Variants in CNNM2 observed in about 807,000 individuals in gnomAD.
CNNM2 encodes metal transporter CNNM2.
In CNNM2, 12 loss-of-function variants were observed where a neutral mutation model predicts 66.9. That is an observed-to-expected ratio of 0.18 (90% CI 0.11 to 0.29). The LOEUF (loss-of-function observed/expected upper bound fraction) is 0.29, where lower values mean the gene tolerates loss of function less well. Among genes scored for constraint, CNNM2 ranks in the 10% least tolerant of loss-of-function variants. The probability of loss-of-function intolerance (pLI) is 1.00; values close to 1 mark genes in which losing one functional copy is unlikely to be tolerated. For missense variants in CNNM2, 705 were observed against 1,167.7 expected (o/e 0.60, Z 5.77); for synonymous variants, 557 against 501.8 (o/e 1.11, Z -1.47).
At chr10:103,058,580 A>G (rs1323293964) in intron 4 of CNNM2, among the ~76,000 whole-genome samples, 1 of 152,234 alleles carries the variant, frequency 6.6e-6, no homozygotes, top group Non-Finnish European at 1.5e-5. Context: ...CTGTCCATTT[A>G]CAAGTAAATC....
At chr10:103,033,830 A>C (rs1423711736) in intron 1 of CNNM2, among the ~76,000 whole-genome samples, 1 of 152,122 alleles carries the variant, frequency 6.6e-6, no homozygotes, top group Admixed American at 6.6e-5. Flanking sequence ...AGATCATGGG[A>C]ATGGTGAGTA....
At chr10:103,068,003 T>G (rs2065509967) in intron 4 of CNNM2, among the ~76,000 whole-genome samples, 1 of 152,236 alleles carries the variant, frequency 6.6e-6, no homozygotes, top group African/African-American at 2.4e-5. Context: ...TATTCCTCTC[T>G]GTTCCATGGC....
intron 1 of CNNM2, among the ~76,000 whole-genome samples, chr10:103,016,750 C>T (rs914730873): frequency 9.2e-5 from 14 of 152,282 alleles, no homozygotes; most frequent in African/African-American, 3.1e-4. Context: ...ATAGTTCAAG[C>T]ATTCAATAGG....
At chr10:103,062,821 AC>A (rs1473068561) in intron 4 of CNNM2, among the ~76,000 whole-genome samples, 1 of 152,218 alleles carries the variant, frequency 6.6e-6, no homozygotes, top group East Asian at 1.9e-4. Flanking sequence ...TGACTGAATT[AC>A]TTCCCTGTTA....
chr10:103,067,320 G>C (rs1459738354), intron 4 of CNNM2, among the ~76,000 whole-genome samples: 1 of 151,950 alleles, frequency 6.6e-6, no homozygotes, highest in Non-Finnish European at 1.5e-5. Context: ...TGCCTGCCTC[G>C]GTCTCCCAAA....
At chr10:103,051,604 G>T (rs1250139395) in intron 2 of CNNM2, among the ~76,000 whole-genome samples, 1 of 151,986 alleles carries the variant, frequency 6.6e-6, no homozygotes, top group Non-Finnish European at 1.5e-5. Flanking sequence ...GCTGGGCATG[G>T]TGGCACGCAC....
intron 1 of CNNM2, chr10:102,927,331 T>C: frequency 6.2e-7 from 1 of 1,613,794 alleles, no homozygotes; most frequent in South Asian, 1.1e-5. Flanking sequence ...TTCATCTCTT[T>C]TTGTTTTTCT....
At chr10:103,045,350 CT>C (rs779231498) in intron 1 of CNNM2, among the ~76,000 whole-genome samples, 14 of 152,124 alleles carry the variant, frequency 9.2e-5, no homozygotes, top group Non-Finnish European at 1.9e-4. Context: ...ACAATCTAAA[CT>C]TCTAGGCTTG....
At chr10:102,924,948 G>A (rs957258898) in intron 1 of CNNM2, among the ~76,000 whole-genome samples, 1 of 152,160 alleles carries the variant, frequency 6.6e-6, no homozygotes, top group Non-Finnish European at 1.5e-5. Flanking sequence ...AGAGCTGGAA[G>A]GCAGGCAGCT....
intron 6 of CNNM2, among the ~76,000 whole-genome samples, chr10:103,073,722 C>T (rs1054770876): frequency 5.9e-5 from 9 of 151,734 alleles, no homozygotes; most frequent in South Asian, 2.1e-4. Flanking sequence ...ATTAGCCGGG[C>T]GCTGTGGTGG....
At chr10:102,957,131 GTC>G (rs1236972567) in intron 1 of CNNM2, among the ~76,000 whole-genome samples, 7 of 151,860 alleles carry the variant, frequency 4.6e-5, no homozygotes, top group Non-Finnish European at 2.9e-5. Flanking sequence ...GTGAAACCCC[GTC>G]TCTACTAAAA....
chr10:102,952,279 TG>T (rs1347313437), intron 1 of CNNM2, among the ~76,000 whole-genome samples: 1 of 149,664 alleles, frequency 6.7e-6, no homozygotes. Flanking sequence ...TGTTAAATGA[TG>T]GGGGCCGGGC....
At chr10:103,071,708 T>G in intron 5 of CNNM2, 66 bp from the exon 6 acceptor site, 4 of 1,259,372 alleles carry the variant, frequency 3.2e-6, no homozygotes, top group Non-Finnish European at 4.7e-6. Flanking sequence ...CTCCTGTCCC[T>G]TGATTACAGA....
In CNNM2 at chr10:103,052,258, C is replaced by T. The variant is rs1225852501; in HGVS notation, c.1766-2071C>T. Among the ~76,000 whole-genome samples, 12 of 144,798 alleles carry T rather than the reference C, an allele frequency of 8.3e-5. No individual in the cohort carries two copies. The South Asian group carries it at 1.1e-3, about 13-fold the overall frequency. The allele number at this position is 144,798 out of a possible 152,430, so 95.0% of individuals were successfully genotyped here. On this transcript the variant is annotated intron_variant, in intron 2 of 7. Coordinates refer to ENST00000369878, the MANE Select transcript of CNNM2 (RefSeq NM_017649.5). The stretch of plus-strand genomic sequence containing the variant: ...ATCGCACCACTGCACTCCAGCCTGG[C>T]GACAGAGTGAGAATCCGTCTCAAAA...
chr10:102,927,004 A>T (rs888432307), intron 1 of CNNM2, among the ~76,000 whole-genome samples: 2 of 151,340 alleles, frequency 1.3e-5, no homozygotes, highest in African/African-American at 4.9e-5. Context: ...CAAGCATGAG[A>T]CACCATGCCT....
Position 102,918,625 on chromosome 10 carries a change from C to T in CNNM2, c.145C>T (p.Leu49=), listed in dbSNP as rs753818336. ...CCTGCAGGCGGCTGCGGGGCGGCTG[C>T]TGCCGCTGCTCCTGCTGAGCTGCTG... ...GILQAAAGRL[L]PLLLLSCCCG... Residue 49 remains leucine (L), a synonymous_variant, in exon 1 of 8, where the codon CTG becomes TTG. Transcript: ENST00000369878. This position sits in a 1 kb window ranked among gnomAD's most constrained non-coding sequence, Gnocchi z 4.1. The T allele has an allele frequency of 1.9e-6, 3 of 1,543,616 alleles. No homozygotes were observed. The Admixed American group carries it at 6.0e-5, about 31-fold the overall frequency.
intron 1 of CNNM2, among the ~76,000 whole-genome samples, chr10:103,019,819 A>G (rs1473105603): frequency 6.6e-6 from 1 of 152,256 alleles, no homozygotes; most frequent in East Asian, 1.9e-4. Flanking sequence ...GCCACTAAAA[A>G]TCGTAATAAG....
rs1438740772 is a variant in CNNM2 at position 102,992,295 on chromosome 10, A to T, written c.1622-57412A>T. On this transcript the variant is annotated intron_variant, in intron 1 of 7. Transcript: ENST00000369878. Reference sequence around the variant, plus strand: ...TTCCTTTTTTTTTTTTTTTTTTGAGATGCAGTTTGCTCTCTTGCCCAGGCT... The same window carrying T: ...TTCCTTTTTTTTTTTTTTTTTTGAGTTGCAGTTTGCTCTCTTGCCCAGGCT... Among the ~76,000 whole-genome samples the T allele has an allele frequency of 2.5e-4, 13 of 52,288 alleles. No homozygotes were observed. In the East Asian group the frequency reaches 8.9e-3, roughly 36 times the overall value. 34.3% of individuals were successfully genotyped at this position (52,288 alleles called of 152,430 possible). A position where few individuals can be genotyped will look rare whatever the true frequency, so the allele number is the denominator to read the frequency against.
At chr10:102,960,303 T>C (rs1417946345) in intron 1 of CNNM2, among the ~76,000 whole-genome samples, 4 of 152,192 alleles carry the variant, frequency 2.6e-5, no homozygotes, top group African/African-American at 7.2e-5. Flanking sequence ...ATGTGCATAC[T>C]GTTGTACACT....
Sources: allele counts gnomAD v4.1 joint callset (sites outside exome capture counted in the v4.1 genomes callset), GRCh38; gene constraint gnomAD v4.1.1; non-coding constraint Gnocchi (gnomAD v3.1); transcripts MANE v1.5; gene names NCBI Gene and HGNC (gene_info 2026-07-23, HGNC 2026-07-21).